Variants in STOX2 observed in about 807,000 individuals in gnomAD.
STOX2 encodes the protein storkhead box 2.
STOX2 carries 28 observed loss-of-function variants against 60.9 expected under a neutral mutation model. That is an observed-to-expected ratio of 0.46 (90% CI 0.34 to 0.63). STOX2 has a LOEUF of 0.63. STOX2 is among the 30% of genes least tolerant of loss of function. The probability of loss-of-function intolerance (pLI) is 0.01; values close to 1 mark genes in which losing one functional copy is unlikely to be tolerated. For synonymous variants in STOX2, 472 were observed against 463.9 expected (o/e 1.02, Z -0.22); for missense variants, 1,024 against 1,187.7 (o/e 0.86, Z 2.03).
At chr4:183,891,808 T>TA (rs1481268250) in intron 1 of STOX2, among the ~76,000 whole-genome samples, 28 of 150,708 alleles carry the variant, frequency 1.9e-4, no homozygotes, top group East Asian at 1.4e-3. Flanking sequence ...AAATGAAAAT[T>TA]TAAAAAAAAG....
At chr4:184,004,765 T>C (rs1438307616) in intron 2 of STOX2, among the ~76,000 whole-genome samples, 1 of 152,242 alleles carries the variant, frequency 6.6e-6, no homozygotes, top group African/African-American at 2.4e-5. Flanking sequence ...AAAAGGTTTA[T>C]AAAGAATAAT....
intron 1 of STOX2, chr4:183,798,709 A>T (rs1738691062): frequency 1.0e-6 from 1 of 985,286 alleles, no homozygotes; most frequent in Admixed American, 6.1e-5. Context: ...GAGGAAAAAA[A>T]ATCTGATCCT....
intron 1 of STOX2, among the ~76,000 whole-genome samples, chr4:183,894,793 G>C (rs1387394364): frequency 2.0e-5 from 3 of 152,280 alleles, no homozygotes; most frequent in African/African-American, 7.2e-5. Context: ...AAACTTTCAA[G>C]ACTGATTAGT....
At chr4:183,833,701 G>GTGTTGTCACAAAATCCAGGCATGA (rs1579315513) in intron 1 of STOX2, among the ~76,000 whole-genome samples, 1 of 151,752 alleles carries the variant, frequency 6.6e-6, no homozygotes, top group Admixed American at 6.6e-5. Flanking sequence ...ATGTGAGAAG[G>GTGTTGTCACAAAATCCAGGCATGA]GCCGGGCGCG....
intron 1 of STOX2, among the ~76,000 whole-genome samples, chr4:183,997,558 T>C (rs185471800): frequency 5.7e-4 from 87 of 152,252 alleles, no homozygotes; most frequent in African/African-American, 2.0e-3. Context: ...AGGGGAGTGT[T>C]GGAGGCAGGA....
At chr4:183,928,127 C>T (rs1220421179) in intron 1 of STOX2, among the ~76,000 whole-genome samples, 5 of 152,108 alleles carry the variant, frequency 3.3e-5, no homozygotes, top group Admixed American at 6.6e-5. Flanking sequence ...GGCTTTGTGG[C>T]AGCTTTTTTT....
Position 183,851,340 on chromosome 4 carries a change from G to A in STOX2, c.364+53285G>A, listed in dbSNP as rs866739095. 2.5e-4 allele frequency among the ~76,000 whole-genome samples: 18 copies of A among 71,344 alleles called. No individual in the cohort carries two copies. In the South Asian group the frequency reaches 2.6e-3, roughly 10 times the overall value. 46.8% of individuals were successfully genotyped at this position (71,344 alleles called of 152,430 possible). A position where few individuals can be genotyped will look rare whatever the true frequency, so the allele number is the denominator to read the frequency against. ...GGGAAAGGATGAGGGAAAGGATGAG[G>A]GAAAGGATGAGAGAAAGGATGAGGG... On this transcript the variant is annotated intron_variant, in intron 1 of 2. Transcript: ENST00000513034.
chr4:183,976,166 G>C (rs747092290), intron 1 of STOX2, among the ~76,000 whole-genome samples: 1 of 152,116 alleles, frequency 6.6e-6, no homozygotes, highest in Non-Finnish European at 1.5e-5. Flanking sequence ...ACAAAAATTA[G>C]CTGAGCGTGG....
At chr4:183,883,376 G>C (rs1741000226) in intron 1 of STOX2, among the ~76,000 whole-genome samples, 1 of 149,824 alleles carries the variant, frequency 6.7e-6, no homozygotes, top group African/African-American at 2.5e-5. Context: ...CTGGAGTGCA[G>C]TGGCGCGATC....
chr4:183,833,008 G>A (rs1300366772), intron 1 of STOX2, among the ~76,000 whole-genome samples: 1 of 152,176 alleles, frequency 6.6e-6, no homozygotes, highest in East Asian at 1.9e-4. Context: ...GTATTAGTCA[G>A]CTATTAAGAA....
At chr4:183,912,944 C>T (rs2111089685) in intron 1 of STOX2, among the ~76,000 whole-genome samples, 1 of 152,270 alleles carries the variant, frequency 6.6e-6, no homozygotes, top group Non-Finnish European at 1.5e-5. Context: ...GATTGGTAGA[C>T]AGGACCAACA....
intron 1 of STOX2, among the ~76,000 whole-genome samples, chr4:183,810,909 C>T (rs1044837847): frequency 5.3e-5 from 8 of 151,916 alleles, no homozygotes; most frequent in Non-Finnish European, 8.8e-5. Flanking sequence ...AGACAAGGCA[C>T]GAGGGGATTT....
At chr4:183,923,433 T>G (rs975785755) in intron 1 of STOX2, among the ~76,000 whole-genome samples, 1 of 152,148 alleles carries the variant, frequency 6.6e-6, no homozygotes, top group Non-Finnish European at 1.5e-5. Flanking sequence ...GTGATCTCTG[T>G]GTTGTCTGCT....
intron 1 of STOX2, among the ~76,000 whole-genome samples, chr4:183,879,796 T>C (rs992263427): frequency 3.1e-4 from 47 of 150,908 alleles, no homozygotes; most frequent in Middle Eastern, 3.4e-3. Context: ...GGGAGCAGGA[T>C]GCTAAATACA....
intron 1 of STOX2, among the ~76,000 whole-genome samples, chr4:183,885,898 A>T (rs1741067373): frequency 6.6e-6 from 1 of 152,194 alleles, no homozygotes; most frequent in South Asian, 2.1e-4. Context: ...TTGCCCCATT[A>T]CCTGAAACTG....
chr4:183,835,633 CACATTGTTACTG>C (rs1474330361), intron 1 of STOX2, among the ~76,000 whole-genome samples: 1 of 152,134 alleles, frequency 6.6e-6, no homozygotes, highest in Non-Finnish European at 1.5e-5. Flanking sequence ...TATTGTTCCT[CACATTGTTACTG>C]GAGGCAAATT....
At chr4:183,922,717 A>G (rs1237164784) in intron 1 of STOX2, among the ~76,000 whole-genome samples, 1 of 152,128 alleles carries the variant, frequency 6.6e-6, no homozygotes, top group Non-Finnish European at 1.5e-5. Flanking sequence ...CATGAGGCCA[A>G]CATCAGGGTG....
intron 1 of STOX2, among the ~76,000 whole-genome samples, chr4:183,970,134 A>G (rs1423507229): frequency 4.6e-5 from 4 of 86,288 alleles, no homozygotes; most frequent in Admixed American, 1.3e-4. Context: ...CTATAACTAC[A>G]TGTACGTGTG....
Position 183,906,792 on chromosome 4 carries a change from TGAA to T in STOX2, c.8_10del (p.Lys3?), listed in dbSNP as rs982704059. The stretch of plus-strand genomic sequence containing the variant: ...GGGCGGCAGGTCGCCCTCCCCACCA[TGAA>T]GAAGACCCGGAGCACAACCTTGCGG... On this transcript the variant is annotated start_lost and inframe_deletion, in exon 1 of 4. Coordinates refer to ENST00000308497, the MANE Select transcript of STOX2 (RefSeq NM_020225.3). 1.3e-6 allele frequency: 2 copies of T among 1,534,006 alleles called. No individual in the cohort carries two copies. Among genetic ancestry groups the T allele is most frequent in the African/African-American group, 1.4e-5 (1 of 71,952 alleles).
Sources: allele counts gnomAD v4.1 joint callset (sites outside exome capture counted in the v4.1 genomes callset), GRCh38; gene constraint gnomAD v4.1.1; transcripts MANE v1.5; gene names NCBI Gene and HGNC (gene_info 2026-07-23, HGNC 2026-07-21).